Variants in KSR2 observed in about 807,000 individuals in gnomAD.
The protein encoded by KSR2 is kinase suppressor of ras 2.
Under a neutral mutation model 107.8 loss-of-function variants are expected in KSR2, and 25 were observed. The ratio of observed to expected loss-of-function variants is 0.23; its 90% CI spans 0.17 to 0.32. The LOEUF is 0.32. KSR2 is among the 10% of genes least tolerant of loss of function. The pLI is 1.00. For synonymous variants in KSR2, 480 were observed against 507.0 expected (o/e 0.95, Z 0.71); for missense variants, 887 against 1,268.9 (o/e 0.70, Z 4.57).
chr12:117,737,608 C>A (rs948986198), intron 4 of KSR2, among the ~76,000 whole-genome samples: 1 of 151,970 alleles, frequency 6.6e-6, no homozygotes, highest in African/African-American at 2.4e-5. Context: ...CATGGTGAAA[C>A]CCTGTCTCTA....
chr12:117,871,715 CAG>C (rs773504454), intron 1 of KSR2, among the ~76,000 whole-genome samples: 7 of 151,302 alleles, frequency 4.6e-5, no homozygotes, highest in Non-Finnish European at 7.4e-5. Context: ...TATTTGCACA[CAG>C]AGAGAGAGAA....
intron 5 of KSR2, among the ~76,000 whole-genome samples, chr12:117,586,480 G>A (rs1167019778): frequency 6.0e-5 from 9 of 151,094 alleles, no homozygotes; most frequent in Middle Eastern, 6.8e-3. Context: ...CCAGCTACTC[G>A]GGATGCTGAG....
chr12:117,683,854 CACTTGCTCTCTACTAAA>C, intron 4 of KSR2, among the ~76,000 whole-genome samples: 1 of 152,330 alleles, frequency 6.6e-6, no homozygotes, highest in South Asian at 2.1e-4. Context: ...CTTTGCAAGT[CACTTGCTCTCTACTAAA>C]ACTCTCCATT....
chr12:117,603,078 C>T (rs1468350019), intron 5 of KSR2, among the ~76,000 whole-genome samples: 1 of 152,192 alleles, frequency 6.6e-6, no homozygotes, highest in Non-Finnish European at 1.5e-5. Context: ...AAAATTCCTA[C>T]TTTCCATAGA....
At chr12:117,792,318 C>T (rs1393450728) in intron 3 of KSR2, among the ~76,000 whole-genome samples, 1 of 151,706 alleles carries the variant, frequency 6.6e-6, no homozygotes, top group Non-Finnish European at 1.5e-5. Context: ...CCATTGCACT[C>T]CAGCCTGGTT....
At chr12:117,729,338 T>C (rs543125943) in intron 4 of KSR2, among the ~76,000 whole-genome samples, 4 of 152,132 alleles carry the variant, frequency 2.6e-5, no homozygotes, top group East Asian at 3.9e-4. Flanking sequence ...CTGCTTGCCA[T>C]AGGGGTGACA....
chr12:117,868,131 T>C (rs1369989365), intron 1 of KSR2, among the ~76,000 whole-genome samples: 1 of 152,058 alleles, frequency 6.6e-6, no homozygotes, highest in Non-Finnish European at 1.5e-5. Context: ...GAAATAAATA[T>C]AACAATAAAA....
At chr12:117,825,185 G>A (rs567836835) in intron 3 of KSR2, among the ~76,000 whole-genome samples, 10 of 152,198 alleles carry the variant, frequency 6.6e-5, no homozygotes, top group Non-Finnish European at 1.3e-4. Flanking sequence ...ATCTCAAAAC[G>A]AAACAAAACA....
intron 4 of KSR2, among the ~76,000 whole-genome samples, chr12:117,751,229 C>G (rs1207395089): frequency 1.3e-5 from 2 of 152,152 alleles, no homozygotes; most frequent in African/African-American, 2.4e-5. Flanking sequence ...GTTTGCTTCC[C>G]CCTCTGCCAT....
chr12:117,770,595 G>C (rs1037430722), intron 3 of KSR2, among the ~76,000 whole-genome samples: 1 of 151,972 alleles, frequency 6.6e-6, no homozygotes, highest in Non-Finnish European at 1.5e-5. Context: ...CCACATAAAA[G>C]CCTGCCTGTG....
chr12:117,949,222 C>T (rs183325972), intron 1 of KSR2, among the ~76,000 whole-genome samples: 1 of 151,110 alleles, frequency 6.6e-6, no homozygotes, highest in Non-Finnish European at 1.5e-5. Flanking sequence ...AAAAAATAAA[C>T]ATTTTATGAG....
At chr12:117,575,685 AG>A (rs1485099279) in intron 7 of KSR2, among the ~76,000 whole-genome samples, 1 of 152,246 alleles carries the variant, frequency 6.6e-6, no homozygotes, top group Non-Finnish European at 1.5e-5. Flanking sequence ...AGTTTCTGCA[AG>A]CACCATGTCA....
At chr12:117,487,879 T>G (rs1390558949) in intron 14 of KSR2, among the ~76,000 whole-genome samples, 1 of 152,162 alleles carries the variant, frequency 6.6e-6, no homozygotes, top group Non-Finnish European at 1.5e-5. Flanking sequence ...CCGCACCAGT[T>G]TGGCACAGCT....
intron 5 of KSR2, among the ~76,000 whole-genome samples, chr12:117,595,351 CT>C (rs71099060): frequency 8.6e-4 from 81 of 94,544 alleles, no homozygotes; most frequent in Non-Finnish European, 1.2e-3. Flanking sequence ...AGATCAAATT[CT>C]TTTTTTTTTT....
At chr12:117,685,498 C>A (rs1885533115) in intron 4 of KSR2, among the ~76,000 whole-genome samples, 1 of 152,200 alleles carries the variant, frequency 6.6e-6, no homozygotes, top group Non-Finnish European at 1.5e-5. Flanking sequence ...CACTGTCTCC[C>A]CGGGGCTGAT....
At chr12:117,793,595 A>ACCTT (rs1491582820) in intron 3 of KSR2, among the ~76,000 whole-genome samples, 1 of 115,150 alleles carries the variant, frequency 8.7e-6, no homozygotes, top group Non-Finnish European at 1.7e-5. Context: ...ATATGCACAC[A>ACCTT]TACACCAACA....
At chr12:117,729,675 TCCATCCATCCAC>T (rs1256175488) in intron 4 of KSR2, among the ~76,000 whole-genome samples, 2 of 152,106 alleles carry the variant, frequency 1.3e-5, no homozygotes, top group Admixed American at 6.5e-5. Context: ...TAACCATGCA[TCCATCCATCCAC>T]CCATCCACCC....
chr12:117,793,054 A>G (rs1462524056), intron 3 of KSR2, among the ~76,000 whole-genome samples: 1 of 148,120 alleles, frequency 6.8e-6, no homozygotes, highest in African/African-American at 2.5e-5. Context: ...TCACATCAAC[A>G]TGCACACACA....
At chr12:117,742,425 G>T (rs191139856) in intron 4 of KSR2, among the ~76,000 whole-genome samples, 1 of 152,160 alleles carries the variant, frequency 6.6e-6, no homozygotes, top group East Asian at 1.9e-4. Flanking sequence ...GAAAATATTC[G>T]CTGAAGAAGT....
Sources: gnomAD v4.1 joint callset for allele counts (sites outside exome capture counted in the v4.1 genomes callset) on GRCh38, gnomAD v4.1.1 for gene constraint, MANE v1.5 for transcripts, NCBI Gene and HGNC (gene_info 2026-07-23, HGNC 2026-07-21) for gene names.